Variants in SMG7 observed in about 807,000 individuals in gnomAD.
The protein encoded by SMG7 is nonsense-mediated mRNA decay factor SMG7.
In SMG7, 34 loss-of-function variants were observed where a neutral mutation model predicts 148.2. The observed-to-expected ratio is 0.23, with a 90% CI of 0.17 to 0.31. SMG7 has a LOEUF of 0.31. SMG7 is among the 10% of genes least tolerant of loss of function. The pLI, the probability that SMG7 is intolerant of heterozygous loss-of-function variation, is 1.00. For synonymous variants in SMG7, 492 were observed against 515.1 expected (o/e 0.96, Z 0.61); for missense variants, 1,114 against 1,408.4 (o/e 0.79, Z 3.35).
chr1:183,509,946 A>G (rs1422731869), intron 1 of SMG7, among the ~76,000 whole-genome samples: 2 of 152,190 alleles, frequency 1.3e-5, no homozygotes, highest in African/African-American at 4.8e-5. Context: ...TTATAAGAAA[A>G]GCAGATTGTT....
In SMG7 at chr1:183,529,446, C is replaced by T. The variant is rs753738159; in HGVS notation, c.756C>T (p.Ala252=). ...GGGGTGTTTCTGACTTCATCAAGGC[C>T]TTTATTAAATTCCACGGTCATGTGT... ...TKWGVSDFIK[A]FIKFHGHVYL... The change falls in exon 8 of 23, where the codon GCC becomes GCT. Residue 252 remains alanine (A), a synonymous_variant. Transcript: ENST00000688051. 6.2e-6 allele frequency: 10 copies of T among 1,613,314 alleles called. No homozygotes were observed. Among genetic ancestry groups the T allele is most frequent in the Non-Finnish European group, 8.5e-6 (10 of 1,179,468 alleles).
chr1:183,476,087 CCCT>C (rs1652103242), intron 1 of SMG7, among the ~76,000 whole-genome samples: 2 of 152,126 alleles, frequency 1.3e-5, no homozygotes, highest in Non-Finnish European at 2.9e-5. Context: ...GTCTGAATTT[CCCT>C]CCTCCTCTTT....
At chr1:183,549,723 T>C (rs745816725) in intron 19 of SMG7, 41 bp from the exon 20 acceptor site, 15 of 1,559,960 alleles carry the variant, frequency 9.6e-6, no homozygotes, top group Non-Finnish European at 1.3e-5. Context: ...CAAATCTCTT[T>C]CCTTGGGGTG....
chr1:183,512,433 A>C (rs1258266351), intron 1 of SMG7, among the ~76,000 whole-genome samples: 1 of 152,110 alleles, frequency 6.6e-6, no homozygotes, highest in African/African-American at 2.4e-5. Flanking sequence ...GTAGCTTGAG[A>C]AGAGGGGAAA....
At chr1:183,508,457 A>C (rs150883428) in intron 1 of SMG7, among the ~76,000 whole-genome samples, 1,698 of 152,178 alleles carry the variant, frequency 0.011, 33 homozygotes, top group African/African-American at 0.039. Context: ...CTCCCAAAGT[A>C]CTGTGATTAC....
At chr1:183,515,598 A>G (rs1663297432) in intron 2 of SMG7, among the ~76,000 whole-genome samples, 1 of 150,496 alleles carries the variant, frequency 6.6e-6, no homozygotes, top group Non-Finnish European at 1.5e-5. Flanking sequence ...GCAAAGGGCA[A>G]ACCATTCTTT....
chr1:183,532,427 A>G (rs746757053), intron 8 of SMG7, among the ~76,000 whole-genome samples: 11 of 152,204 alleles, frequency 7.2e-5, no homozygotes, highest in Non-Finnish European at 1.3e-4. Flanking sequence ...GGGTAATTCC[A>G]TTGAGACACC....
chr1:183,510,047 C>G (rs999713677), intron 1 of SMG7, among the ~76,000 whole-genome samples: 2 of 152,142 alleles, frequency 1.3e-5, no homozygotes, highest in Admixed American at 6.5e-5. Context: ...TGAAATGTTA[C>G]TTGTTCATCT....
chr1:183,513,154 T>G (rs1662570825), intron 2 of SMG7: 1 of 311,964 alleles, frequency 3.2e-6, no homozygotes, highest in Non-Finnish European at 5.7e-6. Flanking sequence ...ATTAATGATT[T>G]AAGACATACA....
intron 4 of SMG7, among the ~76,000 whole-genome samples, chr1:183,519,993 T>G (rs1390735311): frequency 1.3e-5 from 2 of 152,134 alleles, no homozygotes; most frequent in African/African-American, 4.8e-5. Context: ...TTCATTTTAT[T>G]TAGAGTTGTT....
chr1:183,533,649 G>A, intron 9 of SMG7, 27 bp from the exon 10 acceptor site: 1 of 1,589,092 alleles, frequency 6.3e-7, no homozygotes, highest in Non-Finnish European at 8.6e-7. Context: ...TATTTCTTAT[G>A]CTTTTTGAAT....
chr1:183,491,903 C>T (rs981429740), intron 1 of SMG7, among the ~76,000 whole-genome samples: 2 of 152,064 alleles, frequency 1.3e-5, no homozygotes, highest in Admixed American at 6.6e-5. Context: ...CTACAGGGGA[C>T]AAATGCTGTG....
At position 183,473,748 on chromosome 1, in the gene SMG7, T is replaced by C. The variant is rs1490170681; in HGVS notation, c.29+1099T>C. On this transcript the variant is annotated intron_variant, in intron 1 of 22. Transcript: ENST00000688051. ...GCAGAACTAAGAAAGGGAGGCCTTA[T>C]GGAAAGATGTTTTTTAAAAAATTGT... The C allele has an allele frequency of 7.1e-6, 7 of 985,290 alleles. No individual in the cohort carries two copies. The African/African-American group carries it at 1.0e-4, about 15-fold the overall frequency. The allele number at this position is 985,290 out of a possible 1,614,324, so 61.0% of individuals were successfully genotyped here.
intron 8 of SMG7, among the ~76,000 whole-genome samples, chr1:183,530,801 A>G (rs983486697): frequency 1.3e-5 from 2 of 152,140 alleles, no homozygotes; most frequent in Non-Finnish European, 2.9e-5. Context: ...GGATTGGACT[A>G]GAAAACTTCT....
rs1553251974 is a variant in SMG7 at position 183,542,950 on chromosome 1, T to TGTGTGTGTGTGTGTGTGTGTGC, written c.1842+468_1842+469insGCGTGTGTGTGTGTGTGTGTGT. On this transcript the variant is annotated intron_variant, in intron 14 of 22. Transcript: ENST00000688051. ...ATATGTGTGTGTGTGTGTGTGTGTG[T>TGTGTGTGTGTGTGTGTGTGTGC]GTGTGTGTGTGTGTGTGTGTATTTT... Among the ~76,000 whole-genome samples, 795 of 149,264 alleles carry TGTGTGTGTGTGTGTGTGTGTGC rather than the reference T, an allele frequency of 5.3e-3. 4 individuals carry two copies. The highest frequency in any genetic ancestry group is 0.014 in the Admixed American group (203 of 15,036).
intron 1 of SMG7, among the ~76,000 whole-genome samples, chr1:183,506,693 C>T (rs1660981345): frequency 6.6e-6 from 1 of 150,382 alleles, no homozygotes; most frequent in Non-Finnish European, 1.5e-5. Flanking sequence ...AGCGTGTTCT[C>T]CCAAAATAAA....
At chr1:183,480,861 T>C (rs1373307330) in intron 1 of SMG7, among the ~76,000 whole-genome samples, 1 of 152,190 alleles carries the variant, frequency 6.6e-6, no homozygotes, top group African/African-American at 2.4e-5. Context: ...GATCTGGGGC[T>C]TTAAGCACCA....
At chr1:183,523,785 T>C (rs182176440) in intron 4 of SMG7, among the ~76,000 whole-genome samples, 1 of 152,176 alleles carries the variant, frequency 6.6e-6, no homozygotes, top group East Asian at 1.9e-4. Context: ...CCAACCATAA[T>C]TTTATTTATT....
At chr1:183,488,989 T>C (rs528827281) in intron 1 of SMG7, among the ~76,000 whole-genome samples, 2 of 152,258 alleles carry the variant, frequency 1.3e-5, no homozygotes, top group Non-Finnish European at 2.9e-5. Flanking sequence ...TGGCCAAGGC[T>C]TTTTTTCTTT....
Sources: allele counts gnomAD v4.1 joint callset (sites outside exome capture counted in the v4.1 genomes callset), GRCh38; gene constraint gnomAD v4.1.1; transcripts MANE v1.5; gene names NCBI Gene and HGNC (gene_info 2026-07-23, HGNC 2026-07-21).